MICU1: variants seen among roughly 807,000 people sequenced by gnomAD.
MICU1 encodes the protein calcium uptake protein 1, mitochondrial.
MICU1 carries 45 observed loss-of-function variants against 56.8 expected under a neutral mutation model. That is an observed-to-expected ratio of 0.79 (90% CI 0.62 to 1.02). The LOEUF is 1.02. Ranked by LOEUF, MICU1 falls within the 50% of genes least tolerant of loss-of-function variation. The pLI, the probability that MICU1 is intolerant of heterozygous loss-of-function variation, is 0.00. For synonymous variants in MICU1, 186 were observed against 195.1 expected, an observed-to-expected ratio of 0.95 and a Z score of 0.39; for missense variants, 504 against 587.1, an observed-to-expected ratio of 0.86 and a Z score of 1.46.
intron 4 of MICU1, among the ~76,000 whole-genome samples, chr10:72,541,785 G>C (rs947691579): frequency 3.5e-4 from 53 of 152,108 alleles, no homozygotes; most frequent in African/African-American, 1.2e-3. Flanking sequence ...TCTGTGCAGT[G>C]GGCAACAAGA....
intron 10 of MICU1, among the ~76,000 whole-genome samples, chr10:72,385,287 C>A (rs926393570): frequency 1.3e-5 from 2 of 152,066 alleles, no homozygotes; most frequent in African/African-American, 4.8e-5. Context: ...GTCAGGAGTT[C>A]AAGACCAGCC....
At chr10:72,552,535 G>T (rs985280542) in intron 3 of MICU1, among the ~76,000 whole-genome samples, 11 of 152,044 alleles carry the variant, frequency 7.2e-5, no homozygotes, top group Non-Finnish European at 1.2e-4. Flanking sequence ...AAACTTTATT[G>T]ATGTTTTATT....
At chr10:72,581,358 A>G (rs941293411) in intron 1 of MICU1, among the ~76,000 whole-genome samples, 5 of 152,198 alleles carry the variant, frequency 3.3e-5, no homozygotes, top group Non-Finnish European at 7.4e-5. Flanking sequence ...GGCCAGGCAC[A>G]ATGGCTCACA....
intron 4 of MICU1, among the ~76,000 whole-genome samples, chr10:72,550,693 A>G (rs1840014266): frequency 6.6e-6 from 1 of 152,222 alleles, no homozygotes; most frequent in African/African-American, 2.4e-5. Context: ...ATAGGTGTTT[A>G]TAACTATAAA....
intron 1 of MICU1, among the ~76,000 whole-genome samples, chr10:72,570,011 T>C (rs1436959036): frequency 6.6e-6 from 1 of 152,202 alleles, no homozygotes; most frequent in Non-Finnish European, 1.5e-5. Flanking sequence ...AGTGGCATGA[T>C]CTTGGCTCAC....
chr10:72,571,846 G>A (rs1167537823), intron 1 of MICU1, among the ~76,000 whole-genome samples: 1 of 151,962 alleles, frequency 6.6e-6, no homozygotes, highest in Admixed American at 6.6e-5. Flanking sequence ...TTGAGCCCAG[G>A]AGTTTAAGTC....
intron 8 of MICU1, among the ~76,000 whole-genome samples, chr10:72,445,120 G>T (rs1865067185): frequency 6.6e-6 from 1 of 152,132 alleles, no homozygotes; most frequent in South Asian, 2.1e-4. Flanking sequence ...AAGACTGAAA[G>T]AAACAAAAGC....
At chr10:72,474,957 G>A (rs761056725) in intron 8 of MICU1, 143 bp downstream of exon 8, 6 of 655,762 alleles carry the variant, frequency 9.1e-6, no homozygotes, top group Non-Finnish European at 1.5e-5. Context: ...TTTCCTATCT[G>A]CTGTCAGTTT....
chr10:72,507,451 T>C (rs115533731), intron 6 of MICU1, among the ~76,000 whole-genome samples: 370 of 152,316 alleles, frequency 2.4e-3, no homozygotes, highest in African/African-American at 8.8e-3. Context: ...TCCTCCAAGG[T>C]TAAAAAACAA....
chr10:72,601,356 C>G (rs1180636286), intron 1 of MICU1, among the ~76,000 whole-genome samples: 3 of 141,628 alleles, frequency 2.1e-5, no homozygotes, highest in Non-Finnish European at 4.5e-5. Context: ...TCCAGGAGGT[C>G]AAGGTTTCAG....
At chr10:72,425,138 C>A (rs1864305398) in intron 8 of MICU1, among the ~76,000 whole-genome samples, 1 of 152,170 alleles carries the variant, frequency 6.6e-6, no homozygotes, top group South Asian at 2.1e-4. Context: ...AAATCTGAAA[C>A]CTGGGTAAAA....
intron 8 of MICU1, among the ~76,000 whole-genome samples, chr10:72,440,152 C>G (rs1023029389): frequency 6.6e-6 from 1 of 152,280 alleles, no homozygotes; most frequent in East Asian, 1.9e-4. Flanking sequence ...TCAAACTATA[C>G]TACAAGGCTA....
chr10:72,382,625 C>T (rs1409515391), intron 10 of MICU1, among the ~76,000 whole-genome samples: 2 of 152,108 alleles, frequency 1.3e-5, no homozygotes, highest in African/African-American at 4.8e-5. Flanking sequence ...GTCTTTAAAA[C>T]AGGCCAAGTG....
At chr10:72,505,332 G>C (rs1197937191) in intron 6 of MICU1, among the ~76,000 whole-genome samples, 1 of 152,086 alleles carries the variant, frequency 6.6e-6, no homozygotes, top group Non-Finnish European at 1.5e-5. Context: ...CGAGGCTGCA[G>C]AGAAAAGGGA....
intron 5 of MICU1, among the ~76,000 whole-genome samples, chr10:72,526,077 G>T (rs1867953975): frequency 1.3e-5 from 2 of 151,810 alleles, no homozygotes; most frequent in African/African-American, 2.4e-5. Context: ...ACCAAAGCCA[G>T]ATTTTTTTTT....
intron 11 of MICU1, among the ~76,000 whole-genome samples, chr10:72,372,701 G>T (rs1862385486): frequency 6.6e-6 from 1 of 151,900 alleles, no homozygotes. Flanking sequence ...AATTAACCGG[G>T]TGTGATGGTG....
chr10:72,385,220 T>G (rs1171201573), intron 10 of MICU1, among the ~76,000 whole-genome samples: 1 of 152,158 alleles, frequency 6.6e-6, no homozygotes, highest in Non-Finnish European at 1.5e-5. Flanking sequence ...CCGGGCACAG[T>G]GGCTCACGTC....
chr10:72,471,330 C>T (rs1422367673), intron 8 of MICU1, among the ~76,000 whole-genome samples: 4 of 152,160 alleles, frequency 2.6e-5, no homozygotes, highest in East Asian at 1.9e-4. Flanking sequence ...GTGATCTGCC[C>T]GCCTTGGACT....
chr10:72,431,288 G>A (rs988714032), intron 8 of MICU1, among the ~76,000 whole-genome samples: 1 of 151,990 alleles, frequency 6.6e-6, no homozygotes, highest in Non-Finnish European at 1.5e-5. Context: ...GCACTACCAC[G>A]CCAGCTAATT....
Sources: gnomAD v4.1 joint callset for allele counts (sites outside exome capture counted in the v4.1 genomes callset) on GRCh38, gnomAD v4.1.1 for gene constraint, MANE v1.5 for transcripts, NCBI Gene and HGNC (gene_info 2026-07-23, HGNC 2026-07-21) for gene names.